The following CDH12 variants were observed in gnomAD, a reference collection of about 807,000 sequenced individuals.
The protein encoded by CDH12 is cadherin-12.
Under a neutral mutation model 74.1 loss-of-function variants are expected in CDH12, and 41 were observed. The observed-to-expected ratio is 0.55, with a 90% CI of 0.43 to 0.72. The LOEUF (loss-of-function observed/expected upper bound fraction) is 0.72, where lower values mean the gene tolerates loss of function less well. CDH12 is among the 30% of genes least tolerant of loss of function. The probability of loss-of-function intolerance (pLI) is 0.00; values close to 1 mark genes in which losing one functional copy is unlikely to be tolerated. For missense variants in CDH12, 945 were observed against 977.2 expected (o/e 0.97, Z 0.44); for synonymous variants, 399 against 355.0 (o/e 1.12, Z -1.39).
intron 4 of CDH12, among the ~76,000 whole-genome samples, chr5:22,085,877 A>C (rs1743029522): frequency 6.6e-6 from 1 of 152,328 alleles, no homozygotes; most frequent in African/African-American, 2.4e-5. Flanking sequence ...GTAAATATTT[A>C]AAGACTTCAA....
At chr5:22,311,083 T>C (rs1738368409) in intron 3 of CDH12, among the ~76,000 whole-genome samples, 3 of 152,190 alleles carry the variant, frequency 2.0e-5, no homozygotes, top group Admixed American at 2.0e-4. Flanking sequence ...TTTTAAGAAC[T>C]TACTCAATTC....
chr5:22,628,327 A>G (rs941721407), intron 1 of CDH12, among the ~76,000 whole-genome samples: 11 of 152,154 alleles, frequency 7.2e-5, no homozygotes, highest in Non-Finnish European at 1.6e-4. Context: ...ACTATGCTAT[A>G]AAGTTGACTA....
At chr5:22,316,567 T>C (rs1738642723) in intron 3 of CDH12, among the ~76,000 whole-genome samples, 1 of 152,150 alleles carries the variant, frequency 6.6e-6, no homozygotes. Flanking sequence ...CATGATGTGA[T>C]TGATTTTTAT....
At chr5:22,013,334 G>A (rs1737405586) in intron 5 of CDH12, among the ~76,000 whole-genome samples, 1 of 151,988 alleles carries the variant, frequency 6.6e-6, no homozygotes, top group Non-Finnish European at 1.5e-5. Flanking sequence ...AACAGCAAGG[G>A]GCAAACCACC....
intron 3 of CDH12, among the ~76,000 whole-genome samples, chr5:22,361,772 A>T (rs893741544): frequency 1.3e-5 from 2 of 152,028 alleles, no homozygotes; most frequent in African/African-American, 4.8e-5. Flanking sequence ...CAGAAATAAT[A>T]CCACACATCT....
At chr5:21,923,004 G>T (rs1754428543) in intron 6 of CDH12, among the ~76,000 whole-genome samples, 2 of 148,934 alleles carry the variant, frequency 1.3e-5, no homozygotes, top group South Asian at 4.2e-4. Context: ...GGAGAGAGGA[G>T]CACGCACCCA....
chr5:22,792,777 G>T (rs1747982485), intron 1 of CDH12, among the ~76,000 whole-genome samples: 1 of 152,172 alleles, frequency 6.6e-6, no homozygotes, highest in South Asian at 2.1e-4. Flanking sequence ...TGGGTCATCA[G>T]TGTAATTTTA....
rs570408858 is a variant in CDH12, at chr5:22,226,966, C to T, written c.-332-14323G>A. ...GTCTCAGTATAAACAAGAGGGGATGCCACTTGAACAAAGAGTAAGATAGAG... is the reference window on the plus strand; with the variant it reads ...GTCTCAGTATAAACAAGAGGGGATGTCACTTGAACAAAGAGTAAGATAGAG... On this transcript the variant is annotated intron_variant, in intron 3 of 14. Coordinates refer to ENST00000382254, the MANE Select transcript of CDH12 (RefSeq NM_004061.5). Among the ~76,000 whole-genome samples, 3 of 152,120 alleles carry T rather than the reference C, an allele frequency of 2.0e-5. No homozygotes were observed. The East Asian group carries it at 5.8e-4, about 29-fold the overall frequency.
intron 9 of CDH12, among the ~76,000 whole-genome samples, chr5:21,811,507 T>C (rs1469405336): frequency 1.3e-5 from 2 of 151,618 alleles, no homozygotes; most frequent in Admixed American, 6.6e-5. Flanking sequence ...ATTTATTCAG[T>C]AGCAAAAAAA....
At chr5:22,560,881 G>C in intron 1 of CDH12, among the ~76,000 whole-genome samples, 1 of 152,126 alleles carries the variant, frequency 6.6e-6, no homozygotes, top group South Asian at 2.1e-4. Context: ...ATGCTTACTA[G>C]AGTAGAATGC....
chr5:21,883,326 T>C lies in CDH12; in HGVS notation c.527-28536A>G, dbSNP rs550409260. Reference sequence around the variant, plus strand: ...TGAATTCCAGGATGCCTATGTTCTGTTGAGTGAAAAGAAAATTTCTAGTGT... The same window carrying C: ...TGAATTCCAGGATGCCTATGTTCTGCTGAGTGAAAAGAAAATTTCTAGTGT... On this transcript the variant is annotated intron_variant, in intron 6 of 14. Coordinates refer to ENST00000382254, the MANE Select transcript of CDH12 (RefSeq NM_004061.5). 2.6e-6 allele frequency: 4 copies of C among 1,518,058 alleles called. No homozygotes were observed. The African/African-American group carries it at 5.5e-5, about 21-fold the overall frequency. The allele number at this position is 1,518,058 out of a possible 1,614,324, so 94.0% of individuals were successfully genotyped here.
At chr5:22,442,545 C>T (rs537606934) in intron 2 of CDH12, among the ~76,000 whole-genome samples, 1 of 152,280 alleles carries the variant, frequency 6.6e-6, no homozygotes, top group Non-Finnish European at 1.5e-5. Context: ...AGACATAGAT[C>T]GAACTGAAAT....
chr5:22,250,101 T>C (rs578133641), intron 3 of CDH12, among the ~76,000 whole-genome samples: 2 of 152,126 alleles, frequency 1.3e-5, no homozygotes, highest in East Asian at 1.9e-4. Flanking sequence ...TGGAAAAGCA[T>C]GGTGTCTATG....
At chr5:22,282,057 C>T (rs991776580) in intron 3 of CDH12, among the ~76,000 whole-genome samples, 6 of 151,860 alleles carry the variant, frequency 4.0e-5, no homozygotes, top group Non-Finnish European at 8.8e-5. Flanking sequence ...ATATGTAGAC[C>T]AATGGAACAG....
At chr5:22,151,868 C>A (rs1747604105) in intron 4 of CDH12, 2 of 152,054 alleles carry the variant, frequency 1.3e-5, no homozygotes, top group African/African-American at 4.8e-5. Flanking sequence ...AGTAACTGAT[C>A]TGATAATGTC....
chr5:22,515,407 C>G (rs575304928), intron 1 of CDH12, among the ~76,000 whole-genome samples: 10 of 151,970 alleles, frequency 6.6e-5, no homozygotes, highest in African/African-American at 2.2e-4. Context: ...CAATAATAAA[C>G]CAAAATATAT....
chr5:22,267,350 T>C (rs1580462899), intron 3 of CDH12, among the ~76,000 whole-genome samples: 1 of 152,298 alleles, frequency 6.6e-6, no homozygotes, highest in Non-Finnish European at 1.5e-5. Context: ...CTATCGAGCA[T>C]TTTAAAATCC....
At chr5:22,032,836 G>A (rs1253590048) in intron 5 of CDH12, among the ~76,000 whole-genome samples, 39 of 142,084 alleles carry the variant, frequency 2.7e-4, no homozygotes, top group African/African-American at 5.0e-4. Context: ...ACACACACAC[G>A]CACACACACA....
intron 1 of CDH12, among the ~76,000 whole-genome samples, chr5:22,826,642 G>T (rs1736343177): frequency 1.3e-5 from 2 of 152,188 alleles, no homozygotes; most frequent in Admixed American, 1.3e-4. Flanking sequence ...GGTGGTCTCA[G>T]ATGGAGATGA....
Sources: allele counts gnomAD v4.1 joint callset (sites outside exome capture counted in the v4.1 genomes callset), GRCh38; gene constraint gnomAD v4.1.1; transcripts MANE v1.5; gene names NCBI Gene and HGNC (gene_info 2026-07-23, HGNC 2026-07-21).